The following FMN2 variants were observed in gnomAD, a reference collection of about 807,000 sequenced individuals.
The protein encoded by FMN2 is formin 2.
In FMN2, 51 loss-of-function variants were observed where a neutral mutation model predicts 142.3. The ratio of observed to expected loss-of-function variants is 0.36; its 90% CI spans 0.29 to 0.45. FMN2 has a LOEUF of 0.45. FMN2 is among the 20% of genes least tolerant of loss of function. FMN2 has a pLI of 1.00. For missense variants in FMN2, 1,936 were observed against 2,122.8 expected (o/e 0.91, Z 1.73); for synonymous variants, 882 against 869.8 (o/e 1.01, Z -0.25).
intron 6 of FMN2, among the ~76,000 whole-genome samples, chr1:240,235,010 C>A (rs951796845): frequency 6.6e-6 from 1 of 152,114 alleles, no homozygotes; most frequent in African/African-American, 2.4e-5. Context: ...CAATTAGCAT[C>A]CTGTGTATGG....
At position 240,474,504 on chromosome 1, in the gene FMN2, G is replaced by T; in HGVS notation, c.*350G>T. On this transcript the variant is annotated 3_prime_UTR_variant, in exon 18 of 18. Coordinates refer to ENST00000319653, the MANE Select transcript of FMN2 (RefSeq NM_020066.5). ...TGTTGTGAGAATATTCCTCGTCACA[G>T]CAAAAACACTTTCCTTTCTACTGAC... 5.0e-6 allele frequency: 1 copy of T among 198,210 alleles called. No homozygotes were observed. The highest frequency in any genetic ancestry group is 1.0e-5 in the Non-Finnish European group (1 of 98,722). The allele number at this position is 198,210 out of a possible 1,614,324, so 12.3% of individuals were successfully genotyped here. A position where few individuals can be genotyped will look rare whatever the true frequency, so the allele number is the denominator to read the frequency against.
At chr1:240,357,626 T>G (rs78556847) in intron 14 of FMN2, among the ~76,000 whole-genome samples, 1 of 144,582 alleles carries the variant, frequency 6.9e-6, no homozygotes, top group Non-Finnish European at 1.5e-5. Flanking sequence ...TTTTTTTTTT[T>G]GAGACGGAGT....
At chr1:240,362,248 A>ACATATGTGACAAGAAAC in intron 14 of FMN2, among the ~76,000 whole-genome samples, 1 of 152,282 alleles carries the variant, frequency 6.6e-6, no homozygotes, top group Non-Finnish European at 1.5e-5. Context: ...ATTTTCTGTC[A>ACATATGTGACAAGAAAC]CATATGTGAC....
At chr1:240,385,036 A>G (rs1040145526) in intron 14 of FMN2, among the ~76,000 whole-genome samples, 2 of 152,330 alleles carry the variant, frequency 1.3e-5, no homozygotes, top group South Asian at 2.1e-4. Flanking sequence ...CTAGACATTC[A>G]AATGTTGACT....
chr1:240,223,023 T>C (rs561881025), intron 6 of FMN2, among the ~76,000 whole-genome samples: 22 of 152,368 alleles, frequency 1.4e-4, no homozygotes, highest in African/African-American at 5.3e-4. Context: ...AATACTGTGT[T>C]GAATAGGAGT....
chr1:240,165,911 C>G (rs1664463196), intron 2 of FMN2, among the ~76,000 whole-genome samples: 1 of 151,966 alleles, frequency 6.6e-6, no homozygotes, highest in South Asian at 2.1e-4. Context: ...AGGTCAGGGT[C>G]CTCCAGTCCC....
intron 14 of FMN2, among the ~76,000 whole-genome samples, chr1:240,389,743 G>T (rs1017294125): frequency 6.6e-6 from 1 of 151,992 alleles, no homozygotes; most frequent in African/African-American, 2.4e-5. Flanking sequence ...CTTGAGCCTC[G>T]GAGTCTGAGA....
chr1:240,268,168 T>A (rs1416390060), intron 7 of FMN2, among the ~76,000 whole-genome samples: 1 of 152,078 alleles, frequency 6.6e-6, no homozygotes, highest in Non-Finnish European at 1.5e-5. Flanking sequence ...TACTTCTGAT[T>A]GAGTTGGGAG....
chr1:240,287,031 T>C (rs1031603135), intron 7 of FMN2, among the ~76,000 whole-genome samples: 2 of 152,122 alleles, frequency 1.3e-5, no homozygotes, highest in African/African-American at 4.8e-5. Flanking sequence ...TTGTAGGACA[T>C]TTACAAAAGA....
chr1:240,358,548 G>C (rs190856243), intron 14 of FMN2, among the ~76,000 whole-genome samples: 1 of 152,120 alleles, frequency 6.6e-6, no homozygotes, highest in Non-Finnish European at 1.5e-5. Flanking sequence ...ACTTCAGCAC[G>C]TCTGGGGAGG....
chr1:240,208,751 C>T lies in FMN2; in HGVS notation c.3920+19C>T, dbSNP rs1480630628. ...GTAAAAGGTAACATGAAAGTGAGCT[C>T]GTCTTTGCACAGTGTGTGTCAGTAT... On this transcript the variant is annotated intron_variant, in intron 5 of 17. Coordinates refer to ENST00000319653, the MANE Select transcript of FMN2 (RefSeq NM_020066.5). 15 of 1,591,058 alleles carry T rather than the reference C, an allele frequency of 9.4e-6. No individual in the cohort carries two copies. The highest frequency in any genetic ancestry group is 1.3e-5 in the Non-Finnish European group (15 of 1,164,018).
chr1:240,422,282 A>G (rs970790557), intron 15 of FMN2, among the ~76,000 whole-genome samples: 2 of 152,234 alleles, frequency 1.3e-5, no homozygotes, highest in East Asian at 1.9e-4. Flanking sequence ...TATCTACAAA[A>G]TAACTCATTA....
chr1:240,092,876 C>T lies in FMN2; in HGVS notation c.767C>T (p.Pro256Leu), dbSNP rs1191628488. The change falls in exon 1 of 18, where the codon CCG becomes CTG. Residue 256 changes from proline (P) to leucine (L), a missense_variant. Pro to Leu is a moderately conservative substitution (Grantham distance 98). Coordinates refer to ENST00000319653, the MANE Select transcript of FMN2 (RefSeq NM_020066.5). ...GGCCTGGACCGGTTCCTGCTGGGGCCGAGCGGCGGGGCTGGGGAGGCCCCG... is the reference window on the plus strand; with the variant it reads ...GGCCTGGACCGGTTCCTGCTGGGGCTGAGCGGCGGGGCTGGGGAGGCCCCG... ...FLGLDRFLLG[P>L]SGGAGEAPGS... The T allele has an allele frequency of 2.0e-6, 3 of 1,527,964 alleles. No individual in the cohort carries two copies. Among genetic ancestry groups the T allele is most frequent in the Non-Finnish European group, 2.6e-6 (3 of 1,142,526 alleles). 94.7% of individuals were successfully genotyped at this position (1,527,964 alleles called of 1,614,324 possible). A position where few individuals can be genotyped will look rare whatever the true frequency, so the allele number is the denominator to read the frequency against.
chr1:240,225,443 T>C (rs997467911), intron 6 of FMN2, among the ~76,000 whole-genome samples: 3 of 152,062 alleles, frequency 2.0e-5, no homozygotes, highest in African/African-American at 7.2e-5. Context: ...GGCTGAAAGA[T>C]TAAAAACGTG....
chr1:240,358,579 T>A (rs1353177528), intron 14 of FMN2, among the ~76,000 whole-genome samples: 1 of 151,712 alleles, frequency 6.6e-6, no homozygotes, highest in Non-Finnish European at 1.5e-5. Context: ...CTTACAATCA[T>A]GGCAGAAGGC....
chr1:240,334,141 G>C lies in FMN2; in HGVS notation c.4677G>C (p.Leu1559=), dbSNP rs146444036. 14 of 1,606,560 alleles carry C rather than the reference G, an allele frequency of 8.7e-6. No homozygotes were observed. Among genetic ancestry groups the C allele is most frequent in the Middle Eastern group, 3.3e-4 (2 of 6,048 alleles). Residue 1559 remains leucine, a synonymous_variant, in exon 13 of 18, where the codon CTG becomes CTC. Coordinates refer to ENST00000319653, the MANE Select transcript of FMN2 (RefSeq NM_020066.5). ...GAAAAGAACAGTGCCTCTTTCCACT[G>C]CCAGAACCCCAGGACCTTTTTCAGG... ...DAGKEQCLFP[L]PEPQDLFQAS... is the part of the protein sequence containing the mutation.
At chr1:240,111,813 A>G (rs1661819542) in intron 1 of FMN2, among the ~76,000 whole-genome samples, 1 of 152,058 alleles carries the variant, frequency 6.6e-6, no homozygotes, top group South Asian at 2.1e-4. Context: ...CGCCTCTGAC[A>G]TCGGGATTGA....
intron 2 of FMN2, among the ~76,000 whole-genome samples, chr1:240,148,448 G>GAGAGAA (rs1485781762): frequency 8.8e-6 from 1 of 114,182 alleles, no homozygotes; most frequent in South Asian, 4.0e-4. Flanking sequence ...GAGACAGAGA[G>GAGAGAA]AGAGAAAGAG....
chr1:240,389,856 C>T (rs1673547599), intron 14 of FMN2, among the ~76,000 whole-genome samples: 1 of 152,098 alleles, frequency 6.6e-6, no homozygotes, highest in African/African-American at 2.4e-5. Context: ...ACTTGGAAGG[C>T]TGAAGCAGGA....
Sources: gnomAD v4.1 joint callset for allele counts (sites outside exome capture counted in the v4.1 genomes callset) on GRCh38, gnomAD v4.1.1 for gene constraint, MANE v1.5 for transcripts, NCBI Gene and HGNC (gene_info 2026-07-23, HGNC 2026-07-21) for gene names.